The following PI4K2B variants were observed in gnomAD, a reference collection of about 807,000 sequenced individuals.
PI4K2B encodes the protein phosphatidylinositol 4-kinase type 2 beta.
PI4K2B carries 46 observed loss-of-function variants against 56.6 expected under a neutral mutation model. The ratio of observed to expected loss-of-function variants is 0.81; its 90% confidence interval spans 0.64 to 1.04. PI4K2B has a LOEUF of 1.04. PI4K2B is among the 50% of genes least tolerant of loss of function. The pLI, the probability that PI4K2B is intolerant of heterozygous loss-of-function variation, is 0.00. For synonymous variants in PI4K2B, 211 were observed against 223.8 expected (o/e 0.94, Z 0.51); for missense variants, 556 against 607.7 (o/e 0.91, Z 0.89).
rs1716194067 is a variant in PI4K2B, at chr4:25,254,800, G to T, written c.424-265G>T. Among the ~76,000 whole-genome samples, 5 of 152,160 alleles carry T rather than the reference G, an allele frequency of 3.3e-5. No homozygotes were observed. The South Asian group carries it at 1.0e-3, about 32-fold the overall frequency. ...TGGTTAAGTGGCATGGGGTCTTGGA[G>T]CCTTGCCCCCACCTTCCCAGGGTTT... On this transcript the variant is annotated intron_variant, in intron 2 of 9. Coordinates refer to ENST00000264864, the MANE Select transcript of PI4K2B (RefSeq NM_018323.4).
intron 3 of PI4K2B, among the ~76,000 whole-genome samples, chr4:25,255,606 T>C (rs1716235117): frequency 6.6e-6 from 1 of 152,256 alleles, no homozygotes; most frequent in Non-Finnish European, 1.5e-5. Flanking sequence ...TTTCAGCCTT[T>C]ATACAAAATT....
In PI4K2B at chr4:25,256,580, C is replaced by A. The variant is rs372410115; in HGVS notation, c.662C>A (p.Ala221Glu). 2 of 1,613,290 alleles carry A rather than the reference C, an allele frequency of 1.2e-6. No individual in the cohort carries two copies. The highest frequency in any genetic ancestry group is 2.7e-5 in the African/African-American group (2 of 74,798). Reference sequence around the variant, plus strand: ...GTCAGTGAGACATTTAACTATAATGCGATTGACCGTGCAAAATCAAGAGGC... The same window carrying A: ...GTCAGTGAGACATTTAACTATAATGAGATTGACCGTGCAAAATCAAGAGGC... ...WLVSETFNYNAIDRAKSRGKK... is the reference protein window; with the variant it reads ...WLVSETFNYNEIDRAKSRGKK... The change falls in exon 4 of 10, where the codon GCG (alanine) becomes GAG (glutamate). Residue 221 changes from alanine to glutamate, a missense_variant. Transcript: ENST00000264864.
Position 25,255,194 on chromosome 4 carries a change from G to C in PI4K2B, c.553G>C (p.Gly185Arg). ...CCGAGGCTGCCTGATTCCTAATCAG[G>C]GGTACCTTTCCGAAGCGGGTGCCTA... ...FGRGCLIPNQ[G>R]YLSEAGAYLV... Residue 185 changes from glycine (G) to arginine (R), a missense_variant, in exon 3 of 10, where the codon GGG becomes CGG. Gly to Arg is a moderately radical substitution (Grantham distance 125). Transcript: ENST00000264864. 1 of 1,614,122 alleles carries C rather than the reference G, an allele frequency of 6.2e-7. No homozygotes were observed. Among genetic ancestry groups the C allele is most frequent in the Non-Finnish European group, 8.5e-7 (1 of 1,180,004 alleles).
intron 1 of PI4K2B, among the ~76,000 whole-genome samples, chr4:25,235,560 A>G (rs941302043): frequency 5.3e-5 from 8 of 152,218 alleles, no homozygotes; most frequent in Non-Finnish European, 1.2e-4. Context: ...TTTAAGCTTT[A>G]ACCAACGTCT....
intron 6 of PI4K2B, among the ~76,000 whole-genome samples, chr4:25,261,171 A>G (rs767748420): frequency 1.3e-5 from 2 of 152,108 alleles, no homozygotes; most frequent in Non-Finnish European, 2.9e-5. Flanking sequence ...TTTGTTCACC[A>G]TGTTTGTATT....
chr4:25,258,348 C>T (rs1333925205), intron 4 of PI4K2B: 3 of 151,392 alleles, frequency 2.0e-5, no homozygotes, highest in Admixed American at 6.6e-5. Flanking sequence ...GCTGGGACTA[C>T]AGGCATGTGC....
chr4:25,243,115 G>A lies in PI4K2B; in HGVS notation c.268+8684G>A, dbSNP rs187294972. On this transcript the variant is annotated intron_variant, in intron 1 of 9. Coordinates refer to ENST00000264864, the MANE Select transcript of PI4K2B (RefSeq NM_018323.4). Reference sequence around the variant, plus strand: ...ACAGGAGATTAACACTGAGAAGGCCGCGCCCGTGTCCAGGATGAAGTCAAT... The same window carrying A: ...ACAGGAGATTAACACTGAGAAGGCCACGCCCGTGTCCAGGATGAAGTCAAT... Among the ~76,000 whole-genome samples, 590 of 152,316 alleles carry A rather than the reference G, an allele frequency of 3.9e-3. 3 individuals are homozygous for A. The highest frequency in any genetic ancestry group is 5.9e-3 in the Non-Finnish European group (403 of 68,016).
chr4:25,258,238 C>T (rs139809585), intron 4 of PI4K2B, among the ~76,000 whole-genome samples: 1,140 of 85,892 alleles, frequency 0.013, 14 homozygotes, highest in Middle Eastern at 0.057. Context: ...GAGACAGTCT[C>T]GCTGTGTCGC....
chr4:25,248,476 A>C (rs1715891298), intron 1 of PI4K2B, among the ~76,000 whole-genome samples: 1 of 152,154 alleles, frequency 6.6e-6, no homozygotes, highest in Non-Finnish European at 1.5e-5. Context: ...GTAAGTGCTA[A>C]ATAGAAAAGT....
In PI4K2B at chr4:25,269,782, C is replaced by T. The variant is rs188044519; in HGVS notation, c.1272+579C>T. 3.6e-3 allele frequency among the ~76,000 whole-genome samples: 543 copies of T among 151,652 alleles called. 6 individuals carry two copies. Among genetic ancestry groups the T allele is most frequent in the African/African-American group, 0.013 (525 of 41,380 alleles). ...AGGCTGGAGTGCAGTGGAACGATCT[C>T]GGCTCACTGCAAGCTCCGCCTCCCA... On this transcript the variant is annotated intron_variant, in intron 9 of 9. Coordinates refer to ENST00000264864, the MANE Select transcript of PI4K2B (RefSeq NM_018323.4).
chr4:25,258,156 A>C (rs1230494109), intron 4 of PI4K2B, among the ~76,000 whole-genome samples: 1 of 148,626 alleles, frequency 6.7e-6, no homozygotes, highest in Admixed American at 6.7e-5. Flanking sequence ...TGATTAATAG[A>C]TTTGTTCTTT....
At chr4:25,254,194 T>C (rs1477041559) in intron 2 of PI4K2B, among the ~76,000 whole-genome samples, 2 of 152,234 alleles carry the variant, frequency 1.3e-5, no homozygotes, top group Admixed American at 6.5e-5. Context: ...ATTGGATTAG[T>C]TAATTTAACA....
At chr4:25,273,235 T>TA (rs1480504394) in intron 9 of PI4K2B, among the ~76,000 whole-genome samples, 1 of 152,198 alleles carries the variant, frequency 6.6e-6, no homozygotes, top group Admixed American at 6.5e-5. Flanking sequence ...TCAGGGTAGG[T>TA]AAAATTCATC....
intron 1 of PI4K2B, 41 bp from the exon 2 acceptor site, chr4:25,252,280 A>G: frequency 1.3e-6 from 2 of 1,498,110 alleles, no homozygotes; most frequent in Non-Finnish European, 1.9e-6. Context: ...ACAGGTCCAT[A>G]TCATGAGCAT....
chr4:25,270,206 C>G (rs1020821106), intron 9 of PI4K2B, among the ~76,000 whole-genome samples: 2 of 151,952 alleles, frequency 1.3e-5, no homozygotes, highest in African/African-American at 4.8e-5. Context: ...TCTTTTTTCG[C>G]GGAATGTGGC....
chr4:25,255,018 T>C (rs1289975296), intron 2 of PI4K2B, 47 bp from the exon 3 acceptor site: 2 of 1,236,466 alleles, frequency 1.6e-6, no homozygotes, highest in Non-Finnish European at 1.2e-6. Flanking sequence ...TGGATGATTA[T>C]CTATATATGT....
Position 25,277,350 on chromosome 4 carries a change from A to G in PI4K2B, c.*163A>G. On this transcript the variant is annotated 3_prime_UTR_variant, in exon 10 of 10. Transcript: ENST00000264864. ...ACCAAAAGTTTACAGTTTTTTGTCC[A>G]AATATTAAATTTCTATTTCAGGGAA... 2 of 767,012 alleles carry G rather than the reference A, an allele frequency of 2.6e-6. No homozygotes were observed. The highest frequency in any genetic ancestry group is 2.9e-5 in the East Asian group (1 of 34,416). The allele number at this position is 767,012 out of a possible 1,614,324, so 47.5% of individuals were successfully genotyped here.
At chr4:25,264,447 T>G (rs1433635167) in intron 7 of PI4K2B, among the ~76,000 whole-genome samples, 1 of 152,226 alleles carries the variant, frequency 6.6e-6, no homozygotes, top group Non-Finnish European at 1.5e-5. Context: ...AAATGATTTC[T>G]GTAATTTGCC....
intron 6 of PI4K2B, among the ~76,000 whole-genome samples, chr4:25,263,458 T>C (rs1314404848): frequency 6.6e-6 from 1 of 152,116 alleles, no homozygotes; most frequent in Non-Finnish European, 1.5e-5. Flanking sequence ...ATCTAGAACA[T>C]CACTTTTTAA....
Sources: gnomAD v4.1 joint callset for allele counts (sites outside exome capture counted in the v4.1 genomes callset) on GRCh38, gnomAD v4.1.1 for gene constraint, MANE v1.5 for transcripts, NCBI Gene and HGNC (gene_info 2026-07-23, HGNC 2026-07-21) for gene names.